FANCI: variants seen among roughly 807,000 people sequenced by gnomAD.
FANCI encodes FA complementation group I, also known as Fanconi anemia group I protein.
In FANCI, 156 loss-of-function variants were observed where a neutral mutation model predicts 176.1. The ratio of observed to expected loss-of-function variants is 0.89; its 90% CI spans 0.78 to 1.01. FANCI has a LOEUF of 1.01. FANCI is among the 50% of genes least tolerant of loss of function. FANCI has a pLI of 0.00. For missense variants in FANCI, 1,678 were observed against 1,534.1 expected (o/e 1.09, Z -1.57); for synonymous variants, 613 against 541.7 (o/e 1.13, Z -1.83).
At chr15:89,314,408 G>C (rs1348177041) in intron 35 of FANCI, among the ~76,000 whole-genome samples, 2 of 152,298 alleles carry the variant, frequency 1.3e-5, no homozygotes, top group East Asian at 3.9e-4. Flanking sequence ...AAATGAAATG[G>C]ATCAGTGCAA....
In FANCI at chr15:89,294,779, A is replaced by G. The variant is rs1009829415; in HGVS notation, c.2457-136A>G. 22 of 792,972 alleles carry G rather than the reference A, an allele frequency of 2.8e-5. No homozygotes were observed. The Admixed American group carries it at 5.2e-4, about 19-fold the overall frequency. The allele number at this position is 792,972 out of a possible 1,614,324, so 49.1% of individuals were successfully genotyped here. On this transcript the variant is annotated intron_variant, in intron 23 of 37. Transcript: ENST00000310775. ...TGACTATAGCTTGGGCTGCCTAGAG[A>G]GTCTGCCAGTCGGAACTTACTGGCA...
intron 19 of FANCI, chr15:89,290,596 AAAAG>A (rs1375495912): frequency 1.4e-5 from 4 of 281,368 alleles, no homozygotes; most frequent in African/African-American, 8.6e-5. Flanking sequence ...TCTGAAAGAA[AAAAG>A]AAATCCAAAA....
In FANCI at chr15:89,316,943, A is replaced by G. The variant is rs777372106; in HGVS notation, c.*484A>G. 3.3e-5 allele frequency: 26 copies of G among 785,800 alleles called. No homozygotes were observed. The highest frequency in any genetic ancestry group is 1.0e-4 in the African/African-American group (6 of 59,006). The allele number at this position is 785,800 out of a possible 1,614,324, so 48.7% of individuals were successfully genotyped here. A position where few individuals can be genotyped will look rare whatever the true frequency, so the allele number is the denominator to read the frequency against. On this transcript the variant is annotated 3_prime_UTR_variant, in exon 38 of 38. Transcript: ENST00000310775. ...AAAGGAGAGTGAAAGGTTGAGAACAATTGCCACGAACGGTAATGTTACATG... is the reference window on the plus strand; with the variant it reads ...AAAGGAGAGTGAAAGGTTGAGAACAGTTGCCACGAACGGTAATGTTACATG...
chr15:89,265,467 A>G (rs1348345375), intron 9 of FANCI, among the ~76,000 whole-genome samples: 1 of 152,140 alleles, frequency 6.6e-6, no homozygotes, highest in African/African-American at 2.4e-5. Context: ...TCGGTCTCTC[A>G]AAGTGCTGGG....
chr15:89,295,438 G>A (rs1273312700), intron 24 of FANCI, among the ~76,000 whole-genome samples: 6 of 151,804 alleles, frequency 4.0e-5, no homozygotes, highest in African/African-American at 1.5e-4. Context: ...GGCTGAGCCG[G>A]GTGGATTACC....
chr15:89,281,320 A>G lies in FANCI; in HGVS notation c.1512+20A>G, dbSNP rs771385642. On this transcript the variant is annotated intron_variant, in intron 15 of 37. Transcript: ENST00000310775. ...GTGCAGGTAAGTCTTCAGATTCCCA[A>G]GTAACTTGCCAAAACTGAGGTTTAA... is the stretch of plus-strand genomic sequence containing the variant. 3 of 1,613,396 alleles carry G rather than the reference A, an allele frequency of 1.9e-6. No homozygotes were observed. The highest frequency in any genetic ancestry group is 1.7e-6 in the Non-Finnish European group (2 of 1,179,578).
intron 23 of FANCI, 35 bp from the exon 24 acceptor site, chr15:89,294,880 T>A (rs1338873334): frequency 6.5e-7 from 1 of 1,545,432 alleles, no homozygotes; most frequent in Admixed American, 2.0e-5. Context: ...TAAGGGAATC[T>A]TCCTTTTTCT....
chr15:89,301,655 C>A (rs150194533), intron 27 of FANCI, among the ~76,000 whole-genome samples: 237 of 152,320 alleles, frequency 1.6e-3, no homozygotes, highest in African/African-American at 5.3e-3. Context: ...CCATACAGGG[C>A]AAGAACATAC....
chr15:89,300,639 A>T (rs1284511001), intron 26 of FANCI, among the ~76,000 whole-genome samples: 1 of 152,220 alleles, frequency 6.6e-6, no homozygotes, highest in African/African-American at 2.4e-5. Context: ...GTTGATGTAA[A>T]CAGAAAGGAG....
Position 89,258,851 on chromosome 15 carries a change from T to TA in FANCI, c.157+76dup. The TA allele has an allele frequency of 2.6e-6, 3 of 1,175,446 alleles. No homozygotes were observed. The East Asian group carries it at 7.0e-5, about 28-fold the overall frequency. 72.8% of individuals were successfully genotyped at this position (1,175,446 alleles called of 1,614,324 possible). On this transcript the variant is annotated intron_variant, in intron 3 of 37. Transcript: ENST00000310775. ...ATTTGTTTAGTTTTCGTACTTTTCTTACGGTTTGAAGCCCCACTGGAACAT... is the reference window on the plus strand; with the variant it reads ...ATTTGTTTAGTTTTCGTACTTTTCTTAACGGTTTGAAGCCCCACTGGAACAT...
chr15:89,309,573 T>C (rs996069217), intron 34 of FANCI, among the ~76,000 whole-genome samples: 1 of 151,956 alleles, frequency 6.6e-6, no homozygotes, highest in African/African-American at 2.4e-5. Flanking sequence ...CTACAAAAAA[T>C]TTAAAATTTA....
chr15:89,315,050 C>T (rs1196982803), intron 36 of FANCI, among the ~76,000 whole-genome samples: 5 of 152,230 alleles, frequency 3.3e-5, no homozygotes, highest in African/African-American at 1.2e-4. Context: ...CTGAAGTGAT[C>T]CTTCCACCTT....
chr15:89,281,330 C>G, intron 15 of FANCI, 30 bp downstream of exon 15: 2 of 1,612,698 alleles, frequency 1.2e-6, no homozygotes, highest in Non-Finnish European at 1.7e-6. Context: ...AGTAACTTGC[C>G]AAAACTGAGG....
At chr15:89,268,640 G>T in intron 10 of FANCI, 115 bp downstream of exon 10, 1 of 1,301,102 alleles carries the variant, frequency 7.7e-7, no homozygotes, top group Non-Finnish European at 1.1e-6. Context: ...GACCCTGGGT[G>T]TGGAGGATCT....
intron 11 of FANCI, 105 bp downstream of exon 11, chr15:89,273,574 A>G: frequency 1.4e-6 from 1 of 731,842 alleles, no homozygotes; most frequent in Non-Finnish European, 2.4e-6. Flanking sequence ...TTCCTAAACA[A>G]TTTTATCCCC....
At position 89,304,140 on chromosome 15, in the gene FANCI, T is replaced by C. The variant is rs866335263; in HGVS notation, c.3058+225T>C. Reference sequence around the variant, plus strand: ...AATTGGTATAACCACTATGGAAAACTGTTCAGCAATATCTACTAAAATTAA... The same window carrying C: ...AATTGGTATAACCACTATGGAAAACCGTTCAGCAATATCTACTAAAATTAA... On this transcript the variant is annotated intron_variant, in intron 28 of 37. Transcript: ENST00000310775. Among the ~76,000 whole-genome samples the C allele has an allele frequency of 7.2e-5, 11 of 152,216 alleles. No individual in the cohort carries two copies. The South Asian group carries it at 1.0e-3, about 14-fold the overall frequency.
At chr15:89,263,332 G>T in intron 6 of FANCI, 87 bp from the exon 7 acceptor site, 1 of 1,047,722 alleles carries the variant, frequency 9.5e-7, no homozygotes. Flanking sequence ...AACTTGAATT[G>T]GCCCTGTTTT....
chr15:89,246,431 C>G (rs1212562606), intron 1 of FANCI, among the ~76,000 whole-genome samples: 1 of 152,178 alleles, frequency 6.6e-6, no homozygotes, highest in African/African-American at 2.4e-5. Flanking sequence ...TTTAATGGTT[C>G]TCAGTAATTT....
intron 13 of FANCI, among the ~76,000 whole-genome samples, 185 bp downstream of exon 13, chr15:89,277,076 C>T (rs376626067): frequency 3.6e-4 from 55 of 152,192 alleles, no homozygotes; most frequent in African/African-American, 1.3e-3. Context: ...TACTTACTTA[C>T]GTATTCTTCT....
Sources: allele counts gnomAD v4.1 joint callset (sites outside exome capture counted in the v4.1 genomes callset), GRCh38; gene constraint gnomAD v4.1.1; transcripts MANE v1.5; gene names NCBI Gene and HGNC (gene_info 2026-07-23, HGNC 2026-07-21).